Variants in ADD2 observed in about 807,000 individuals in gnomAD.
ADD2 encodes the protein beta-adducin.
A neutral mutation model predicts 83.0 loss-of-function variants in ADD2; 23 were observed. The ratio of observed to expected loss-of-function variants is 0.28; its 90% CI spans 0.20 to 0.39. ADD2 has a LOEUF of 0.39. Among genes scored for constraint, ADD2 ranks in the 10% least tolerant of loss-of-function variants. ADD2 has a pLI of 1.00. For synonymous variants in ADD2, 375 were observed against 375.4 expected (o/e 1.00, Z 0.01); for missense variants, 758 against 944.9 (o/e 0.80, Z 2.59).
At chr2:70,720,461 G>A (rs1574286524) in intron 1 of ADD2, among the ~76,000 whole-genome samples, 1 of 152,150 alleles carries the variant, frequency 6.6e-6, no homozygotes, top group Admixed American at 6.5e-5. Context: ...TAGGAGAGAT[G>A]TTGTTCGACT....
chr2:70,677,206 T>C (rs1553368550), intron 12 of ADD2, among the ~76,000 whole-genome samples: 4 of 151,962 alleles, frequency 2.6e-5, no homozygotes, highest in Non-Finnish European at 2.9e-5. Context: ...CCCCCCACCA[T>C]TGAATCTGAA....
intron 1 of ADD2, among the ~76,000 whole-genome samples, chr2:70,723,503 C>G (rs1672834224): frequency 6.6e-6 from 1 of 152,036 alleles, no homozygotes; most frequent in African/African-American, 2.4e-5. Context: ...TGAAACTGAG[C>G]TGAATAAAAT....
chr2:70,687,923 C>T, intron 9 of ADD2, 101 bp downstream of exon 9: 1 of 813,854 alleles, frequency 1.2e-6, no homozygotes, highest in Non-Finnish European at 2.0e-6. Context: ...TGGCTGGGAT[C>T]AAAAGACTCC....
At chr2:70,665,537 A>C (rs1558515740) in intron 15 of ADD2, among the ~76,000 whole-genome samples, 1 of 151,430 alleles carries the variant, frequency 6.6e-6, no homozygotes, top group Admixed American at 6.6e-5. Flanking sequence ...CTCTCTGTCC[A>C]CTCTCCTATT....
At chr2:70,673,096 A>C (rs1266028639) in intron 14 of ADD2, 90 bp from the exon 15 acceptor site, 2 of 1,547,378 alleles carry the variant, frequency 1.3e-6, no homozygotes, top group East Asian at 4.5e-5. Context: ...ACTTTTTTCT[A>C]TTTGGTCATC....
chr2:70,758,399 G>C (rs1174787174), intron 1 of ADD2, among the ~76,000 whole-genome samples: 2 of 150,990 alleles, frequency 1.3e-5, no homozygotes, highest in Non-Finnish European at 3.0e-5. Context: ...AAGGTGGGGA[G>C]AGGGCATATA....
chr2:70,664,686 AGT>A (rs1475406681), intron 15 of ADD2, among the ~76,000 whole-genome samples: 2 of 152,016 alleles, frequency 1.3e-5, no homozygotes, highest in Admixed American at 6.6e-5. Flanking sequence ...AACTGAAAGG[AGT>A]GTGTGTGGGT....
chr2:70,720,488 G>C (rs1446828529), intron 1 of ADD2, among the ~76,000 whole-genome samples: 2 of 152,158 alleles, frequency 1.3e-5, no homozygotes, highest in African/African-American at 4.8e-5. Flanking sequence ...TCCTCTCCCC[G>C]ATGATTCTGT....
At chr2:70,739,177 C>G (rs1025422304) in intron 1 of ADD2, among the ~76,000 whole-genome samples, 1 of 152,038 alleles carries the variant, frequency 6.6e-6, no homozygotes, top group African/African-American at 2.4e-5. Context: ...CTATAAGGAA[C>G]TTAAACAAAT....
rs1553365427 is a variant in ADD2, at chr2:70,663,407, G to A, written c.*18C>T. The stretch of plus-strand genomic sequence containing the variant: ...GAGGAGAGAGAGGAGGCAGGAGGGA[G>A]CCCAAGGGTGTCATGAATCAGGACT... On this transcript the variant is annotated 3_prime_UTR_variant, in exon 16 of 16. Transcript: ENST00000264436. The A allele has an allele frequency of 1.2e-6, 2 of 1,603,214 alleles. No individual in the cohort carries two copies. Among genetic ancestry groups the A allele is most frequent in the Non-Finnish European group, 1.7e-6 (2 of 1,174,140 alleles).
chr2:70,683,663 G>C lies in ADD2; in HGVS notation c.1053C>G (p.Thr351=). ...GCCGACTCTTCTGCATAGGCCCAAAGGTGCTCCCGGCCCACTGCACGGAGC... is the reference window on the plus strand; with the variant it reads ...GCCGACTCTTCTGCATAGGCCCAAACGTGCTCCCGGCCCACTGCACGGAGC... ...EVGSVQWAGS[T]FGPMQKSRLG... is the part of the protein sequence containing the mutation. The change falls in exon 10 of 16, where the codon ACC becomes ACG. Residue 351 remains threonine, a synonymous_variant. Transcript: ENST00000264436. The C allele has an allele frequency of 6.2e-7, 1 of 1,614,146 alleles. No homozygotes were observed. The highest frequency in any genetic ancestry group is 8.5e-7 in the Non-Finnish European group (1 of 1,180,008).
chr2:70,669,500 A>G (rs182509623), intron 15 of ADD2, among the ~76,000 whole-genome samples: 1 of 152,356 alleles, frequency 6.6e-6, no homozygotes, highest in Admixed American at 6.5e-5. Context: ...CTTCTCATAA[A>G]TGGATGCAGT....
intron 3 of ADD2, among the ~76,000 whole-genome samples, chr2:70,705,231 A>G (rs1052019294): frequency 1.3e-5 from 2 of 152,054 alleles, no homozygotes; most frequent in East Asian, 3.9e-4. Flanking sequence ...TGCTTTCAGC[A>G]TCTGCCATAT....
intron 9 of ADD2, among the ~76,000 whole-genome samples, chr2:70,686,842 T>C (rs1295615530): frequency 6.6e-6 from 1 of 152,206 alleles, no homozygotes; most frequent in Non-Finnish European, 1.5e-5. Context: ...CATCATTATC[T>C]TCACAGCTAT....
intron 1 of ADD2, among the ~76,000 whole-genome samples, chr2:70,729,586 T>G (rs1366252693): frequency 1.3e-5 from 2 of 152,200 alleles, no homozygotes; most frequent in African/African-American, 4.8e-5. Flanking sequence ...GTGACTGGCC[T>G]GGGTTTCTCA....
rs1174214579 is a variant in ADD2, at chr2:70,764,195, A to G, written c.-154+3691T>C. ...GAGCCACCGCGCCCGGCCCCATCTC[A>G]TTTTCTTAGATGTAAGGTACCTATT... is the stretch of plus-strand genomic sequence containing the variant. On this transcript the variant is annotated intron_variant, in intron 1 of 15. Transcript: ENST00000264436. 2.0e-5 allele frequency among the ~76,000 whole-genome samples: 3 copies of G among 151,734 alleles called. 1 individual carries two copies. Among genetic ancestry groups the G allele is most frequent in the African/African-American group, 4.9e-5 (2 of 41,118 alleles).
At position 70,695,801 on chromosome 2, in the gene ADD2, A is replaced by G. The variant is rs782272450; in HGVS notation, c.475T>C (p.Leu159=). The part of the protein sequence containing the change: ...WAQLSDTYVT[L]RVSKEQDHFL... The stretch of plus-strand genomic sequence containing the variant: ...TGGTCCTGCTCCTTGCTGACTCTCA[A>G]CTGGAGGAAAGACACAAGTTCTCAG... Residue 159 remains leucine (L), a splice_region_variant and synonymous_variant, in exon 6 of 16, where the codon TTG becomes CTG. Coordinates refer to ENST00000264436, the MANE Select transcript of ADD2 (RefSeq NM_001617.4). The G allele has an allele frequency of 4.3e-6, 7 of 1,613,970 alleles. No homozygotes were observed. The highest frequency in any genetic ancestry group is 3.3e-5 in the Admixed American group (2 of 60,010).
At chr2:70,665,597 C>A (rs1158325442) in intron 15 of ADD2, among the ~76,000 whole-genome samples, 1 of 152,150 alleles carries the variant, frequency 6.6e-6, no homozygotes, top group African/African-American at 2.4e-5. Context: ...CTGGACCTCT[C>A]ACTGTCATCC....
chr2:70,681,196 C>A (rs1670433105), intron 10 of ADD2, among the ~76,000 whole-genome samples: 1 of 152,150 alleles, frequency 6.6e-6, no homozygotes, highest in Admixed American at 6.5e-5. Context: ...TCTTTTCAGG[C>A]TTTCACATTT....
Sources: gnomAD v4.1 joint callset for allele counts (sites outside exome capture counted in the v4.1 genomes callset) on GRCh38, gnomAD v4.1.1 for gene constraint, MANE v1.5 for transcripts, NCBI Gene and HGNC (gene_info 2026-07-23, HGNC 2026-07-21) for gene names.